AKT3: variants seen among roughly 807,000 people sequenced by gnomAD.
The protein encoded by AKT3 is AKT serine/threonine kinase 3.
In AKT3, 15 loss-of-function variants were observed where a neutral mutation model predicts 65.3. The observed-to-expected ratio is 0.23, with a 90% CI of 0.15 to 0.35. AKT3 has a LOEUF of 0.35. Ranked by LOEUF, AKT3 falls within the 10% of genes least tolerant of loss-of-function variation. AKT3 has a pLI of 1.00. For missense variants in AKT3, 243 were observed against 576.5 expected (o/e 0.42, Z 5.92); for synonymous variants, 206 against 183.8 (o/e 1.12, Z -0.98).
Position 243,501,203 on chromosome 1 carries a change from T to G in AKT3, c.*4046A>C, listed in dbSNP as rs1387364696. ...ACAATAGTAGCTTTATGAGGTAAAATCAGAAAAAGGCCCCATCCAGAATGA... is the reference window on the plus strand; with the variant it reads ...ACAATAGTAGCTTTATGAGGTAAAAGCAGAAAAAGGCCCCATCCAGAATGA... On this transcript the variant is annotated 3_prime_UTR_variant, in exon 14 of 14. Coordinates refer to ENST00000673466, the MANE Select transcript of AKT3 (RefSeq NM_005465.7). 2 of 232,026 alleles carry G rather than the reference T, an allele frequency of 8.6e-6. No individual in the cohort carries two copies. The highest frequency in any genetic ancestry group is 1.2e-4 in the East Asian group (2 of 16,428). The allele number at this position is 232,026 out of a possible 1,614,324, so 14.4% of individuals were successfully genotyped here.
At chr1:243,727,804 A>G (rs1324981194) in intron 2 of AKT3, among the ~76,000 whole-genome samples, 1 of 152,214 alleles carries the variant, frequency 6.6e-6, no homozygotes, top group Non-Finnish European at 1.5e-5. Context: ...AAAAAGCATC[A>G]TAACTATTTT....
intron 8 of AKT3, among the ~76,000 whole-genome samples, chr1:243,593,447 G>T (rs966581717): frequency 3.9e-5 from 6 of 152,174 alleles, no homozygotes; most frequent in African/African-American, 1.4e-4. Context: ...AGCACTTTGG[G>T]AGGCCTAGGT....
intron 2 of AKT3, among the ~76,000 whole-genome samples, chr1:243,732,317 C>T (rs995376770): frequency 6.6e-6 from 1 of 152,220 alleles, no homozygotes; most frequent in Admixed American, 6.5e-5. Context: ...CTTCCAACCA[C>T]AGCATACCTA....
chr1:243,677,903 A>C (rs1427418923), intron 3 of AKT3, among the ~76,000 whole-genome samples: 1 of 152,088 alleles, frequency 6.6e-6, no homozygotes, highest in African/African-American at 2.4e-5. Context: ...CCTGGACAAC[A>C]TGGAGAAACC....
chr1:243,569,840 C>CA (rs1190123137), intron 9 of AKT3, among the ~76,000 whole-genome samples: 1 of 152,106 alleles, frequency 6.6e-6, no homozygotes, highest in Non-Finnish European at 1.5e-5. Context: ...CTTAGATGGC[C>CA]ATGGTCATTG....
chr1:243,590,149 A>C (rs1273395003), intron 8 of AKT3, among the ~76,000 whole-genome samples: 1 of 152,162 alleles, frequency 6.6e-6, no homozygotes, highest in East Asian at 1.9e-4. Context: ...GTTACGGGTA[A>C]GTTCTGGGGA....
At chr1:243,843,765 C>T (rs1415887590) in intron 1 of AKT3, among the ~76,000 whole-genome samples, 2 of 151,738 alleles carry the variant, frequency 1.3e-5, no homozygotes, top group African/African-American at 2.4e-5. Context: ...GATTCTTCTG[C>T]CTCAGCCTCC....
intron 8 of AKT3, among the ~76,000 whole-genome samples, chr1:243,596,329 C>A (rs1676610561): frequency 6.6e-6 from 1 of 152,096 alleles, no homozygotes; most frequent in Non-Finnish European, 1.5e-5. Context: ...CTGGAAGAAA[C>A]CATTTGTAAT....
chr1:243,819,969 A>G (rs1034856250), intron 2 of AKT3, among the ~76,000 whole-genome samples: 18 of 152,112 alleles, frequency 1.2e-4, no homozygotes, highest in Non-Finnish European at 2.2e-4. Flanking sequence ...CCCAGGCTGG[A>G]GTGCAGTGGC....
intron 2 of AKT3, among the ~76,000 whole-genome samples, chr1:243,813,252 G>A (rs1159484616): frequency 6.6e-6 from 1 of 152,152 alleles, no homozygotes; most frequent in East Asian, 1.9e-4. Flanking sequence ...TATCATGTAT[G>A]CAGTATTCTC....
intron 12 of AKT3, among the ~76,000 whole-genome samples, chr1:243,514,119 G>A (rs755035592): frequency 3.9e-5 from 6 of 152,160 alleles, no homozygotes; most frequent in Admixed American, 2.0e-4. Context: ...TTCTACAGAT[G>A]TTCACAAAAT....
chr1:243,848,622 T>A (rs1247572426), intron 1 of AKT3, among the ~76,000 whole-genome samples: 2 of 152,212 alleles, frequency 1.3e-5, no homozygotes, highest in Admixed American at 1.3e-4. Context: ...CCTAGTGATG[T>A]ATAGTTCTAC....
intron 2 of AKT3, among the ~76,000 whole-genome samples, chr1:243,744,601 T>C (rs1293025024): frequency 6.6e-6 from 1 of 150,828 alleles, no homozygotes; most frequent in Admixed American, 6.6e-5. Flanking sequence ...TAGCCGGGCG[T>C]AGTGGCGGGC....
chr1:243,625,709 C>T (rs1321987561), intron 6 of AKT3, among the ~76,000 whole-genome samples: 7 of 152,120 alleles, frequency 4.6e-5, no homozygotes, highest in Non-Finnish European at 8.8e-5. Context: ...TGGTATTCAT[C>T]GGGTTCCTGA....
At position 243,572,923 on chromosome 1, in the gene AKT3, T is replaced by TA; in HGVS notation, c.819+2dup. On this transcript the variant is annotated splice_region_variant and intron_variant, in intron 9 of 13. Coordinates refer to ENST00000673466, the MANE Select transcript of AKT3 (RefSeq NM_005465.7). ...ATTTTGATTACTTTTTTTTTTTTTT[T>TA]ACCTTGAGATCACGGTACACAATCT... 2 of 1,579,100 alleles carry TA rather than the reference T, an allele frequency of 1.3e-6. No homozygotes were observed. The highest frequency in any genetic ancestry group is 1.7e-6 in the Non-Finnish European group (2 of 1,167,250).
chr1:243,650,589 TGTCAGTAAGGG>T (rs1228877797), intron 4 of AKT3, among the ~76,000 whole-genome samples: 1 of 152,108 alleles, frequency 6.6e-6, no homozygotes, highest in Non-Finnish European at 1.5e-5. Context: ...TTGTATAAGG[TGTCAGTAAGGG>T]GTCAGTTTCA....
At chr1:243,831,169 AAG>A (rs1694484531) in intron 2 of AKT3, among the ~76,000 whole-genome samples, 1 of 152,214 alleles carries the variant, frequency 6.6e-6, no homozygotes, top group Admixed American at 6.5e-5. Context: ...CATACTGATT[AAG>A]AGACTACCGT....
chr1:243,615,168 A>C lies in AKT3; in HGVS notation c.562-7T>G, dbSNP rs1238660162. The C allele has an allele frequency of 1.9e-6, 3 of 1,601,818 alleles. No individual in the cohort carries two copies. Among genetic ancestry groups the C allele is most frequent in the Non-Finnish European group, 1.7e-6 (2 of 1,172,906 alleles). On this transcript the variant is annotated splice_polypyrimidine_tract_variant and splice_region_variant and intron_variant, in intron 6 of 13. Transcript: ENST00000673466. ...GAGTGTGTGCCACTTCATCCTACAAAAGAAAAAAAGCAAACCTTCAATATA... is the reference window on the plus strand; with the variant it reads ...GAGTGTGTGCCACTTCATCCTACAACAGAAAAAAAGCAAACCTTCAATATA...
In AKT3 at chr1:243,527,771, C is replaced by T. The variant is rs529107606; in HGVS notation, c.1252-15345G>A. Among the ~76,000 whole-genome samples the T allele has an allele frequency of 3.8e-4, 57 of 149,574 alleles. 2 individuals carry two copies. The South Asian group carries it at 1.0e-2, about 26-fold the overall frequency. On this transcript the variant is annotated intron_variant, in intron 12 of 13. Coordinates refer to ENST00000673466, the MANE Select transcript of AKT3 (RefSeq NM_005465.7). ...ACTTATACCTGTAGGCCCAGCTATTCGGGAGGATCCCTTAAGGCCAGGAAT... is the reference window on the plus strand; with the variant it reads ...ACTTATACCTGTAGGCCCAGCTATTTGGGAGGATCCCTTAAGGCCAGGAAT...
Sources: allele counts gnomAD v4.1 joint callset (sites outside exome capture counted in the v4.1 genomes callset), GRCh38; gene constraint gnomAD v4.1.1; transcripts MANE v1.5; gene names NCBI Gene and HGNC (gene_info 2026-07-23, HGNC 2026-07-21).